Variants in C7 observed in about 807,000 individuals in gnomAD.
C7 encodes the protein complement component C7.
Under a neutral mutation model 104.8 loss-of-function variants are expected in C7, and 83 were observed. The ratio of observed to expected loss-of-function variants is 0.79; its 90% CI spans 0.66 to 0.95. The LOEUF (loss-of-function observed/expected upper bound fraction) is 0.95. C7 is among the 40% of genes least tolerant of loss of function. The pLI is 0.00. For synonymous variants in C7, 415 were observed against 360.6 expected, an observed-to-expected ratio of 1.15 and a Z score of -1.71; for missense variants, 1,070 against 1,011.2, an observed-to-expected ratio of 1.06 and a Z score of -0.79.
intron 17 of C7, 126 bp from the exon 18 acceptor site, chr5:40,981,266 T>A: frequency 1.1e-6 from 1 of 900,946 alleles, no homozygotes. Flanking sequence ...AGGGGATAAT[T>A]TATTATGTCA....
Position 40,983,326 on chromosome 5 carries a change from T to G in C7, c.*1753T>G, listed in dbSNP as rs1579884260. 1.3e-5 allele frequency among the ~76,000 whole-genome samples: 2 copies of G among 152,198 alleles called. No individual in the cohort carries two copies. Among genetic ancestry groups the G allele is most frequent in the Non-Finnish European group, 2.9e-5 (2 of 68,046 alleles). ...TAGCTTAAGCTAGTATGGAGTTAGATTCCTACCGCTTATGTATCACCATGC... is the reference window on the plus strand; with the variant it reads ...TAGCTTAAGCTAGTATGGAGTTAGAGTCCTACCGCTTATGTATCACCATGC... On this transcript the variant is annotated 3_prime_UTR_variant, in exon 18 of 18. Transcript: ENST00000313164.
In C7 at chr5:40,962,072, T is replaced by A; in HGVS notation, c.1662-13T>A. On this transcript the variant is annotated splice_polypyrimidine_tract_variant and intron_variant, in intron 12 of 17. Transcript: ENST00000313164. ...CAAATCAATCACATTAATTACATTT[T>A]TTTTCCTTCCAGGTTGCTTGAACCA... 1 of 1,456,692 alleles carries A rather than the reference T, an allele frequency of 6.9e-7. No homozygotes were observed. The highest frequency in any genetic ancestry group is 9.3e-7 in the Non-Finnish European group (1 of 1,080,504). The allele number at this position is 1,456,692 out of a possible 1,614,324, so 90.2% of individuals were successfully genotyped here. A position where few individuals can be genotyped will look rare whatever the true frequency, so the allele number is the denominator to read the frequency against.
At chr5:40,974,944 A>G (rs760553855) in intron 15 of C7, among the ~76,000 whole-genome samples, 1 of 152,190 alleles carries the variant, frequency 6.6e-6, no homozygotes, top group Non-Finnish European at 1.5e-5. Context: ...GCTTAGCAGC[A>G]TCCCTGGTCT....
intron 6 of C7, among the ~76,000 whole-genome samples, chr5:40,938,932 A>G (rs889688900): frequency 2.0e-5 from 3 of 152,184 alleles, no homozygotes; most frequent in Non-Finnish European, 4.4e-5. Context: ...ATCTTAAAAC[A>G]CTTCCACAGC....
Position 40,958,183 on chromosome 5 carries a change from A to T in C7, c.1411A>T (p.Thr471Ser), listed in dbSNP as rs371379073. 5.3e-5 allele frequency: 85 copies of T among 1,613,496 alleles called. No individual in the cohort carries two copies. Among genetic ancestry groups the T allele is most frequent in the Non-Finnish European group, 7.0e-5 (82 of 1,179,716 alleles). ...QNGGLATVEG[T>S]HCLCHCKPYT... is the part of the protein sequence containing the mutation. ...TGGTGGTTTGGCTACTGTTGAGGGG[A>T]CCCATTGTCTGTGCCATTGCAAACC... The change falls in exon 11 of 18, where the codon ACC (threonine) becomes TCC (serine). Residue 471 changes from threonine (T) to serine (S), a missense_variant. Coordinates refer to ENST00000313164, the MANE Select transcript of C7 (RefSeq NM_000587.4).
At chr5:40,926,858 C>A (rs1055890203) in intron 1 of C7, among the ~76,000 whole-genome samples, 1 of 151,186 alleles carries the variant, frequency 6.6e-6, no homozygotes, top group Non-Finnish European at 1.5e-5. Context: ...CAATCTTTAT[C>A]AAAATTCTAA....
At chr5:40,979,344 T>C (rs1417920529) in intron 16 of C7, among the ~76,000 whole-genome samples, 1 of 152,212 alleles carries the variant, frequency 6.6e-6, no homozygotes, top group Admixed American at 6.5e-5. Context: ...CTGCAATTAA[T>C]GGTCCCATTT....
At chr5:40,915,241 C>A (rs1285850779) in intron 1 of C7, among the ~76,000 whole-genome samples, 1 of 152,112 alleles carries the variant, frequency 6.6e-6, no homozygotes, top group Admixed American at 6.6e-5. Flanking sequence ...ATCAGTCAAG[C>A]AAGATTCTGT....
At chr5:40,931,818 G>A (rs1739689819) in intron 3 of C7, among the ~76,000 whole-genome samples, 1 of 152,180 alleles carries the variant, frequency 6.6e-6, no homozygotes, top group Non-Finnish European at 1.5e-5. Flanking sequence ...GAGTGCAGTG[G>A]CACGATCTTG....
chr5:40,975,951 A>T (rs1438661887), intron 15 of C7, among the ~76,000 whole-genome samples: 1 of 152,216 alleles, frequency 6.6e-6, no homozygotes, highest in Non-Finnish European at 1.5e-5. Context: ...TACGAGGTGA[A>T]AAAAGTCAGG....
At chr5:40,961,666 G>A (rs929224607) in intron 12 of C7, among the ~76,000 whole-genome samples, 7 of 152,272 alleles carry the variant, frequency 4.6e-5, no homozygotes, top group African/African-American at 4.8e-5. Flanking sequence ...GATTACAGGC[G>A]TGAGCTGTCG....
intron 10 of C7, among the ~76,000 whole-genome samples, chr5:40,955,952 T>C (rs1168308033): frequency 6.6e-6 from 1 of 152,228 alleles, no homozygotes; most frequent in East Asian, 1.9e-4. Flanking sequence ...TGTGGGCTCC[T>C]GAAGTCATAC....
chr5:40,942,424 G>A (rs1739959691), intron 6 of C7, among the ~76,000 whole-genome samples: 1 of 152,050 alleles, frequency 6.6e-6, no homozygotes, highest in Admixed American at 6.6e-5. Flanking sequence ...CTAAGACAAA[G>A]GGAGGGACAC....
intron 14 of C7, among the ~76,000 whole-genome samples, chr5:40,967,120 C>T (rs1579870784): frequency 6.7e-6 from 1 of 149,168 alleles, no homozygotes; most frequent in East Asian, 2.0e-4. Context: ...GGCTGGAGTG[C>T]AGTGGCGTGA....
chr5:40,941,046 T>G (rs1739924663), intron 6 of C7, among the ~76,000 whole-genome samples: 1 of 149,124 alleles, frequency 6.7e-6, no homozygotes, highest in African/African-American at 2.5e-5. Context: ...AAAACAAGAG[T>G]GCAAGAGGAA....
At chr5:40,913,647 C>T (rs1486730894) in intron 1 of C7, among the ~76,000 whole-genome samples, 3 of 151,936 alleles carry the variant, frequency 2.0e-5, no homozygotes, top group Non-Finnish European at 2.9e-5. Flanking sequence ...TGGGCATGTG[C>T]CACCATGTGC....
intron 16 of C7, among the ~76,000 whole-genome samples, chr5:40,979,086 G>A (rs1366893144): frequency 6.6e-6 from 1 of 151,830 alleles, no homozygotes; most frequent in African/African-American, 2.4e-5. Flanking sequence ...CGCCATGTTA[G>A]CCATCCTGGT....
intron 7 of C7, among the ~76,000 whole-genome samples, chr5:40,946,920 T>C (rs1301380088): frequency 1.3e-5 from 2 of 151,560 alleles, no homozygotes; most frequent in Admixed American, 1.3e-4. Context: ...TATCCAGGCA[T>C]GGTGGTGCAT....
intron 1 of C7, among the ~76,000 whole-genome samples, chr5:40,925,863 C>T (rs574034442): frequency 1.2e-4 from 18 of 152,094 alleles, no homozygotes; most frequent in African/African-American, 4.3e-4. Flanking sequence ...ATTTTCAAAC[C>T]CTTCCAAAAA....
Sources: allele counts gnomAD v4.1 joint callset (sites outside exome capture counted in the v4.1 genomes callset), GRCh38; gene constraint gnomAD v4.1.1; transcripts MANE v1.5; gene names NCBI Gene and HGNC (gene_info 2026-07-23, HGNC 2026-07-21).